The following NR6A1 variants were observed in gnomAD, a reference collection of about 807,000 sequenced individuals.
The protein encoded by NR6A1 is nuclear receptor subfamily 6 group A member 1, also known as retinoic acid receptor-related testis-associated receptor.
In NR6A1, 7 loss-of-function variants were observed where a neutral mutation model predicts 59.1. The ratio of observed to expected loss-of-function variants is 0.12; its 90% CI spans 0.07 to 0.22. The LOEUF (loss-of-function observed/expected upper bound fraction) is 0.22. NR6A1 is among the 10% of genes least tolerant of loss of function. NR6A1 has a pLI of 1.00. For synonymous variants in NR6A1, 243 were observed against 236.1 expected (o/e 1.03, Z -0.27); for missense variants, 468 against 611.6 (o/e 0.77, Z 2.48).
chr9:124,590,061 C>CAAAAAAAAAAA lies in NR6A1; in HGVS notation c.143-35502_143-35492dup, dbSNP rs71372976. On this transcript the variant is annotated intron_variant, in intron 2 of 9. Transcript: ENST00000487099. ...GCCTGGTGACAGAGCAAGACTCTGTCAAAAAAAAAAAAAAAAAAAAAAAAA... is the reference window on the plus strand; with the variant it reads ...GCCTGGTGACAGAGCAAGACTCTGTCAAAAAAAAAAAAAAAAAAAAAAAAAAAAAAAAAAAA... 4.2e-4 allele frequency among the ~76,000 whole-genome samples: 13 copies of CAAAAAAAAAAA among 30,898 alleles called. 1 individual carries two copies. The highest frequency in any genetic ancestry group is 9.4e-4 in the African/African-American group (9 of 9,586). 20.3% of individuals were successfully genotyped at this position (30,898 alleles called of 152,430 possible).
chr9:124,612,516 C>T (rs777187739), intron 2 of NR6A1, among the ~76,000 whole-genome samples: 1 of 152,130 alleles, frequency 6.6e-6, no homozygotes, highest in Non-Finnish European at 1.5e-5. Context: ...TAGCACTGCA[C>T]CTAAAGGGAA....
chr9:124,731,455 G>A (rs909056115), intron 2 of NR6A1, among the ~76,000 whole-genome samples: 2 of 151,616 alleles, frequency 1.3e-5, no homozygotes, highest in African/African-American at 4.8e-5. Context: ...CTACTCATAA[G>A]AGAACAGAAA....
chr9:124,586,647 C>T (rs910432903), intron 2 of NR6A1, among the ~76,000 whole-genome samples: 1 of 152,010 alleles, frequency 6.6e-6, no homozygotes, highest in Non-Finnish European at 1.5e-5. Flanking sequence ...CGAGGTCTCA[C>T]TATGTTGCCC....
chr9:124,590,061 CAAAAAAAAAAA>C (rs71372976), intron 2 of NR6A1, among the ~76,000 whole-genome samples: 551 of 30,884 alleles, frequency 0.018, 9 homozygotes, highest in Middle Eastern at 0.1. Context: ...AAGACTCTGT[CAAAAAAAAAAA>C]AAAAAAAAAA....
Position 124,725,996 on chromosome 9 carries a change from G to A in NR6A1, c.142+7312C>T, listed in dbSNP as rs1425570831. On this transcript the variant is annotated intron_variant, in intron 2 of 9. Transcript: ENST00000487099. ...ATGTAGCTACTTAAGGGAAAAGAAG[G>A]GTTTTTAACAGAAATGAACTTTTGA... Among the ~76,000 whole-genome samples, 4 of 151,976 alleles carry A rather than the reference G, an allele frequency of 2.6e-5. No homozygotes were observed. In the East Asian group the frequency reaches 7.7e-4, roughly 29 times the overall value.
intron 2 of NR6A1, among the ~76,000 whole-genome samples, chr9:124,694,748 A>C (rs1396102812): frequency 2.6e-5 from 4 of 152,200 alleles, no homozygotes; most frequent in South Asian, 2.1e-4. Flanking sequence ...ATAAGACAGT[A>C]AGAGAAGAGT....
intron 2 of NR6A1, among the ~76,000 whole-genome samples, chr9:124,585,201 G>A (rs1434576518): frequency 6.6e-6 from 1 of 152,122 alleles, no homozygotes. Flanking sequence ...AGCTAGCAGA[G>A]GTTGGCTCAC....
chr9:124,759,977 T>A (rs1161785396), intron 1 of NR6A1, among the ~76,000 whole-genome samples: 4 of 150,236 alleles, frequency 2.7e-5, no homozygotes, highest in African/African-American at 9.8e-5. Context: ...GAGGTAGAGG[T>A]TGCACTGAGC....
Position 124,624,010 on chromosome 9 carries a change from T to C in NR6A1, c.143-69440A>G, listed in dbSNP as rs1389613180. ...TCTGAATGTAAGTTTATTATTCCCA[T>C]TTCAGAGATAAACTAAGGCTCAGAG... On this transcript the variant is annotated intron_variant, in intron 2 of 9. Transcript: ENST00000487099. Among the ~76,000 whole-genome samples, 3 of 152,164 alleles carry C rather than the reference T, an allele frequency of 2.0e-5. No homozygotes were observed. In the East Asian group the frequency reaches 5.8e-4, roughly 29 times the overall value.
intron 1 of NR6A1, among the ~76,000 whole-genome samples, chr9:124,765,032 G>A (rs924994160): frequency 1.3e-5 from 2 of 152,076 alleles, no homozygotes; most frequent in Admixed American, 1.3e-4. Flanking sequence ...TAGCTTCTCT[G>A]GTGTAAACAA....
rs1429736733 is a variant in NR6A1 at position 124,583,050 on chromosome 9, A to G, written c.143-28480T>C. Among the ~76,000 whole-genome samples, 7 of 152,172 alleles carry G rather than the reference A, an allele frequency of 4.6e-5. No homozygotes were observed. In the East Asian group the frequency reaches 1.3e-3, roughly 29 times the overall value. ...AAAGCACCCCAAATTATCTATCCAA[A>G]AACATTATAATGCTTTGGCCATTAG... On this transcript the variant is annotated intron_variant, in intron 2 of 9. Coordinates refer to ENST00000487099, the MANE Select transcript of NR6A1 (RefSeq NM_033334.4).
At chr9:124,631,526 G>A (rs886976810) in intron 2 of NR6A1, among the ~76,000 whole-genome samples, 6 of 152,186 alleles carry the variant, frequency 3.9e-5, no homozygotes. Context: ...TGATAGGCCA[G>A]CTGTCAGACA....
At chr9:124,737,718 T>C (rs1255440796) in intron 1 of NR6A1, among the ~76,000 whole-genome samples, 1 of 151,986 alleles carries the variant, frequency 6.6e-6, no homozygotes, top group South Asian at 2.1e-4. Context: ...AGACAAAAAT[T>C]AGCCTGGCAT....
intron 2 of NR6A1, among the ~76,000 whole-genome samples, chr9:124,633,162 T>C (rs185759746): frequency 5.9e-5 from 9 of 152,206 alleles, no homozygotes; most frequent in Admixed American, 5.9e-4. Flanking sequence ...CCCAGCTCTT[T>C]GGGAGGCCAA....
At chr9:124,727,484 A>G (rs1839755374) in intron 2 of NR6A1, among the ~76,000 whole-genome samples, 1 of 152,182 alleles carries the variant, frequency 6.6e-6, no homozygotes, top group African/African-American at 2.4e-5. Context: ...TTCAGTTATT[A>G]TTTTGGATAT....
chr9:124,599,970 G>T (rs974586308), intron 2 of NR6A1, among the ~76,000 whole-genome samples: 2 of 152,164 alleles, frequency 1.3e-5, no homozygotes, highest in African/African-American at 4.8e-5. Context: ...GGCTGAAGGG[G>T]TAAGTTTAGT....
intron 9 of NR6A1, among the ~76,000 whole-genome samples, chr9:124,523,421 C>T (rs1370120143): frequency 6.6e-6 from 1 of 152,184 alleles, no homozygotes. Context: ...AACAGTACCT[C>T]TGAGTGACCT....
intron 3 of NR6A1, among the ~76,000 whole-genome samples, chr9:124,545,583 A>G (rs948511307): frequency 6.6e-6 from 1 of 152,198 alleles, no homozygotes; most frequent in Admixed American, 6.5e-5. Context: ...TCCATGGTCA[A>G]TGACAGTCTT....
chr9:124,523,451 C>A (rs984829216), intron 9 of NR6A1, among the ~76,000 whole-genome samples: 1 of 152,066 alleles, frequency 6.6e-6, no homozygotes, highest in Non-Finnish European at 1.5e-5. Flanking sequence ...TTCGAAAACA[C>A]TGATTATCTC....
Sources: allele counts gnomAD v4.1 joint callset (sites outside exome capture counted in the v4.1 genomes callset), GRCh38; gene constraint gnomAD v4.1.1; transcripts MANE v1.5; gene names NCBI Gene and HGNC (gene_info 2026-07-23, HGNC 2026-07-21).